Variants in ST6GALNAC5 observed in about 807,000 individuals in gnomAD.
ST6GALNAC5 encodes the protein alpha-N-acetylgalactosaminide alpha-2,6-sialyltransferase 5.
ST6GALNAC5 carries 27 observed loss-of-function variants against 33.6 expected under a neutral mutation model. The observed-to-expected ratio is 0.80, with a 90% CI of 0.59 to 1.11. The LOEUF (loss-of-function observed/expected upper bound fraction) is 1.11, where lower values mean the gene tolerates loss of function less well. Ranked by LOEUF, ST6GALNAC5 falls within the 50% of genes least tolerant of loss-of-function variation. The pLI, the probability that ST6GALNAC5 is intolerant of heterozygous loss-of-function variation, is 0.00. For missense variants in ST6GALNAC5, 428 were observed against 454.0 expected (o/e 0.94, Z 0.52); for synonymous variants, 194 against 171.2 (o/e 1.13, Z -1.04).
intron 2 of ST6GALNAC5, among the ~76,000 whole-genome samples, chr1:76,879,946 G>A (rs1203925887): frequency 7.9e-5 from 12 of 152,156 alleles, no homozygotes; most frequent in East Asian, 3.9e-4. Context: ...CCACTTGCAC[G>A]ATAAGAACTT....
At chr1:76,915,602 C>T (rs1337338862) in intron 2 of ST6GALNAC5, among the ~76,000 whole-genome samples, 1 of 150,660 alleles carries the variant, frequency 6.6e-6, no homozygotes, top group Non-Finnish European at 1.5e-5. Flanking sequence ...GACAAAAAAC[C>T]AAACACCGCA....
At chr1:76,967,269 T>G (rs557863779) in intron 2 of ST6GALNAC5, among the ~76,000 whole-genome samples, 1 of 152,342 alleles carries the variant, frequency 6.6e-6, no homozygotes, top group East Asian at 1.9e-4. Flanking sequence ...TTGCCTCAAT[T>G]TCAGAGCCTG....
chr1:77,043,297 T>C (rs935030481), intron 2 of ST6GALNAC5, among the ~76,000 whole-genome samples: 1 of 152,250 alleles, frequency 6.6e-6, no homozygotes, highest in Non-Finnish European at 1.5e-5. Flanking sequence ...CGGGAATGTT[T>C]AATTTGTTAG....
intron 2 of ST6GALNAC5, among the ~76,000 whole-genome samples, chr1:76,919,147 A>G (rs1570672503): frequency 6.6e-6 from 1 of 152,100 alleles, no homozygotes; most frequent in Non-Finnish European, 1.5e-5. Context: ...ATCCCTCTGA[A>G]GAACAAACAT....
intron 2 of ST6GALNAC5, among the ~76,000 whole-genome samples, chr1:77,013,001 G>A (rs1018412725): frequency 6.6e-6 from 1 of 152,150 alleles, no homozygotes; most frequent in Non-Finnish European, 1.5e-5. Flanking sequence ...CAAAGAAGGA[G>A]GCTTTGCATT....
At chr1:76,867,742 AG>A in intron 1 of ST6GALNAC5, 52 bp downstream of exon 1, 30 of 1,613,884 alleles carry the variant, frequency 1.9e-5, no homozygotes, top group Non-Finnish European at 2.5e-5. Flanking sequence ...CCCCGGGCTC[AG>A]GGTCCACGGG....
chr1:77,015,341 A>G (rs12739665), intron 2 of ST6GALNAC5, among the ~76,000 whole-genome samples: 30,397 of 151,974 alleles, frequency 0.2, 3,307 homozygotes, highest in Admixed American at 0.26. Context: ...CAGGCCCTCA[A>G]TGGATCTGAT....
At chr1:76,905,529 G>C (rs2100271749) in intron 2 of ST6GALNAC5, among the ~76,000 whole-genome samples, 1 of 152,316 alleles carries the variant, frequency 6.6e-6, no homozygotes. Context: ...TTGGAAACCA[G>C]CCTTATTCTT....
At chr1:76,942,774 G>C in intron 2 of ST6GALNAC5, among the ~76,000 whole-genome samples, 1 of 152,214 alleles carries the variant, frequency 6.6e-6, no homozygotes, top group Non-Finnish European at 1.5e-5. Context: ...TGGGGATGAC[G>C]TGTTTGGCAG....
intron 2 of ST6GALNAC5, among the ~76,000 whole-genome samples, chr1:77,029,278 C>T (rs1398967933): frequency 2.0e-5 from 3 of 152,208 alleles, no homozygotes; most frequent in Non-Finnish European, 4.4e-5. Context: ...CCTGCTGTCA[C>T]AAAGGGATCC....
At chr1:76,934,901 T>C (rs1261656521) in intron 2 of ST6GALNAC5, among the ~76,000 whole-genome samples, 1 of 152,076 alleles carries the variant, frequency 6.6e-6, no homozygotes, top group Non-Finnish European at 1.5e-5. Flanking sequence ...TATGAATCTA[T>C]AGATAATATT....
chr1:76,875,409 T>C (rs960267746), intron 2 of ST6GALNAC5, among the ~76,000 whole-genome samples: 2 of 152,196 alleles, frequency 1.3e-5, no homozygotes, highest in African/African-American at 4.8e-5. Context: ...ATGCATACTC[T>C]TTCTTACCTC....
chr1:76,982,743 G>C (rs529251862), intron 2 of ST6GALNAC5, among the ~76,000 whole-genome samples: 1 of 152,050 alleles, frequency 6.6e-6, no homozygotes, highest in Admixed American at 6.6e-5. Flanking sequence ...GAAGGAAAAA[G>C]TATAAGGGCA....
At chr1:76,871,480 A>T (rs904796011) in intron 2 of ST6GALNAC5, 7 of 152,214 alleles carry the variant, frequency 4.6e-5, no homozygotes, top group Non-Finnish European at 8.8e-5. Context: ...CAGTTACATG[A>T]TGTTGTTAAC....
At position 76,867,550 on chromosome 1, in the gene ST6GALNAC5, G is replaced by T; in HGVS notation, c.-126G>T. 1 of 1,518,226 alleles carries T rather than the reference G, an allele frequency of 6.6e-7. No homozygotes were observed. Among genetic ancestry groups the T allele is most frequent in the Non-Finnish European group, 9.1e-7 (1 of 1,095,320 alleles). The allele number at this position is 1,518,226 out of a possible 1,614,324, so 94.0% of individuals were successfully genotyped here. A position where few individuals can be genotyped will look rare whatever the true frequency, so the allele number is the denominator to read the frequency against. ...GTCCCGCGGCTCCCGCGCGCGATCT[G>T]CCGCGGCCGGCTGCTGGGCAAAAAT... On this transcript the variant is annotated 5_prime_UTR_variant, in exon 1 of 5. Coordinates refer to ENST00000477717, the MANE Select transcript of ST6GALNAC5 (RefSeq NM_030965.3).
At chr1:77,033,575 A>G (rs1651540768) in intron 2 of ST6GALNAC5, among the ~76,000 whole-genome samples, 1 of 150,970 alleles carries the variant, frequency 6.6e-6, no homozygotes, top group South Asian at 2.1e-4. Flanking sequence ...CTGGCACATT[A>G]GTTGAACACT....
intron 2 of ST6GALNAC5, among the ~76,000 whole-genome samples, chr1:76,913,536 C>G (rs1646936127): frequency 6.6e-6 from 1 of 152,100 alleles, no homozygotes; most frequent in Non-Finnish European, 1.5e-5. Context: ...TTCCATTCTC[C>G]CCGTCACTTT....
At chr1:77,034,569 A>G (rs999919831) in intron 2 of ST6GALNAC5, among the ~76,000 whole-genome samples, 4 of 152,194 alleles carry the variant, frequency 2.6e-5, no homozygotes, top group African/African-American at 9.6e-5. Context: ...GCTTGAAAGT[A>G]GCCCCCCATG....
At chr1:77,033,357 G>A (rs1651529813) in intron 2 of ST6GALNAC5, among the ~76,000 whole-genome samples, 1 of 152,070 alleles carries the variant, frequency 6.6e-6, no homozygotes, top group South Asian at 2.1e-4. Flanking sequence ...TTAGTGGCAG[G>A]GAACAGACAA....
Sources: allele counts gnomAD v4.1 joint callset (sites outside exome capture counted in the v4.1 genomes callset), GRCh38; gene constraint gnomAD v4.1.1; transcripts MANE v1.5; gene names NCBI Gene and HGNC (gene_info 2026-07-23, HGNC 2026-07-21).